SLC44A5: variants seen among roughly 807,000 people sequenced by gnomAD.
SLC44A5 encodes choline transporter-like protein 5.
SLC44A5 carries 57 observed loss-of-function variants against 101.8 expected under a neutral mutation model. The ratio of observed to expected loss-of-function variants is 0.56; its 90% CI spans 0.45 to 0.70. The LOEUF (loss-of-function observed/expected upper bound fraction) is 0.70. Ranked by LOEUF, SLC44A5 falls within the 30% of genes least tolerant of loss-of-function variation. The pLI is 0.00. For missense variants in SLC44A5, 737 were observed against 853.1 expected, an observed-to-expected ratio of 0.86 and a Z score of 1.70; for synonymous variants, 281 against 290.9, an observed-to-expected ratio of 0.97 and a Z score of 0.35.
chr1:75,596,008 A>G (rs552533077), intron 1 of SLC44A5, among the ~76,000 whole-genome samples: 23 of 152,332 alleles, frequency 1.5e-4, no homozygotes, highest in Non-Finnish European at 2.8e-4. Flanking sequence ...AATTTCTAAC[A>G]TCATTCAAAA....
the SLC44A5 span, among the ~76,000 whole-genome samples, chr1:75,696,632 A>G: frequency 6.6e-6 from 1 of 152,178 alleles, no homozygotes; most frequent in Non-Finnish European, 1.5e-5. Flanking sequence ...GCGGTGGCTC[A>G]CGCCTGTAAT....
At chr1:75,645,582 G>T in the SLC44A5 span, among the ~76,000 whole-genome samples, 3 of 151,684 alleles carry the variant, frequency 2.0e-5, no homozygotes, top group Non-Finnish European at 4.4e-5. Context: ...TAGGTTGCCT[G>T]TTCAGTCTGA....
chr1:75,672,830 A>G, the SLC44A5 span, among the ~76,000 whole-genome samples: 1 of 152,258 alleles, frequency 6.6e-6, no homozygotes, highest in East Asian at 1.9e-4. Flanking sequence ...CTCCAGGATG[A>G]CATTCATAGA....
intron 3 of SLC44A5, among the ~76,000 whole-genome samples, chr1:75,368,582 G>C (rs1421655642): frequency 6.6e-6 from 1 of 151,768 alleles, no homozygotes; most frequent in African/African-American, 2.4e-5. Flanking sequence ...ACTTTAATAG[G>C]TACCTTCAGA....
At chr1:75,556,124 G>T (rs1026909803) in intron 1 of SLC44A5, among the ~76,000 whole-genome samples, 10 of 152,164 alleles carry the variant, frequency 6.6e-5, no homozygotes, top group African/African-American at 2.4e-4. Flanking sequence ...AGTCATCAGA[G>T]GTGATGATAT....
At chr1:75,235,372 G>A (rs1188029817) in intron 11 of SLC44A5, among the ~76,000 whole-genome samples, 2 of 151,984 alleles carry the variant, frequency 1.3e-5, no homozygotes, top group African/African-American at 2.4e-5. Flanking sequence ...GTGCCTGGGT[G>A]GAGAGGGTTT....
Position 75,468,715 on chromosome 1 carries a change from G to A in SLC44A5, c.14-72094C>T, listed in dbSNP as rs141755249. ...TTGGGGGATGTGGGGATGGTTAATG[G>A]GTACAAAAAAAATAGAAAGAATGAA... is the stretch of plus-strand genomic sequence containing the variant. On this transcript the variant is annotated intron_variant, in intron 2 of 23. Transcript: ENST00000370859. 5.9e-3 allele frequency among the ~76,000 whole-genome samples: 898 copies of A among 151,790 alleles called. 1 individual carries two copies. The highest frequency in any genetic ancestry group is 9.8e-3 in the Admixed American group (149 of 15,276).
At chr1:75,629,724 C>T in the SLC44A5 span, among the ~76,000 whole-genome samples, 12 of 152,010 alleles carry the variant, frequency 7.9e-5, no homozygotes, top group Non-Finnish European at 1.8e-4. Flanking sequence ...AAGAAGGATA[C>T]AAATACAGAT....
intron 4 of SLC44A5, among the ~76,000 whole-genome samples, chr1:75,337,050 C>A (rs1657499175): frequency 6.6e-6 from 1 of 152,104 alleles, no homozygotes; most frequent in East Asian, 1.9e-4. Flanking sequence ...AGTTTAAACC[C>A]ATAAGTGAAG....
chr1:75,691,301 A>G, the SLC44A5 span, among the ~76,000 whole-genome samples: 12,141 of 152,214 alleles, frequency 0.08, 1,631 homozygotes, highest in African/African-American at 0.28. Flanking sequence ...AAATGATAGC[A>G]ATGAGATTTT....
At chr1:75,600,026 T>C (rs940378673) in intron 1 of SLC44A5, among the ~76,000 whole-genome samples, 7 of 152,034 alleles carry the variant, frequency 4.6e-5, no homozygotes, top group African/African-American at 1.4e-4. Context: ...AAAAAATAAA[T>C]TGGAGGAAAG....
chr1:75,661,381 T>A, the SLC44A5 span, among the ~76,000 whole-genome samples: 2 of 54,480 alleles, frequency 3.7e-5, no homozygotes, highest in Admixed American at 2.6e-4. Flanking sequence ...ATGAAACTAC[T>A]GCAAGTAAAA....
chr1:75,348,683 C>G (rs559636412), intron 3 of SLC44A5, among the ~76,000 whole-genome samples: 1 of 151,898 alleles, frequency 6.6e-6, no homozygotes, highest in African/African-American at 2.4e-5. Context: ...GCAGCTCACA[C>G]AAAAAAAGCT....
At chr1:75,339,760 G>T (rs1038193557) in intron 3 of SLC44A5, 130 bp from the exon 4 acceptor site, 4 of 676,830 alleles carry the variant, frequency 5.9e-6, no homozygotes, top group African/African-American at 5.7e-5. Context: ...ACTTTGGTTT[G>T]ATGAAACATA....
intron 23 of SLC44A5, chr1:75,206,473 G>A: frequency 1.6e-6 from 1 of 624,906 alleles, no homozygotes; most frequent in Non-Finnish European, 2.8e-6. Flanking sequence ...TGACACCTCA[G>A]GTAGTACCAG....
the SLC44A5 span, among the ~76,000 whole-genome samples, chr1:75,638,989 T>C: frequency 6.6e-6 from 1 of 152,052 alleles, no homozygotes; most frequent in African/African-American, 2.4e-5. Context: ...GTATGTGGAA[T>C]CTAAACAAGT....
At chr1:75,657,693 T>C in the SLC44A5 span, among the ~76,000 whole-genome samples, 2 of 152,132 alleles carry the variant, frequency 1.3e-5, no homozygotes, top group Non-Finnish European at 2.9e-5. Context: ...CACCATCTAA[T>C]AATTAAGGGG....
chr1:75,339,388 T>C (rs1657694358), intron 4 of SLC44A5, among the ~76,000 whole-genome samples, 194 bp downstream of exon 4: 2 of 152,172 alleles, frequency 1.3e-5, no homozygotes, highest in African/African-American at 2.4e-5. Flanking sequence ...TGGGAGAAGA[T>C]ATTCATGACT....
At chr1:75,626,978 G>T in the SLC44A5 span, among the ~76,000 whole-genome samples, 3 of 152,004 alleles carry the variant, frequency 2.0e-5, no homozygotes, top group East Asian at 5.8e-4. Context: ...AGGCACACTG[G>T]ATTCTTTATA....
Sources: gnomAD v4.1 joint callset for allele counts (sites outside exome capture counted in the v4.1 genomes callset) on GRCh38, gnomAD v4.1.1 for gene constraint, MANE v1.5 for transcripts, NCBI Gene and HGNC (gene_info 2026-07-23, HGNC 2026-07-21) for gene names.